TMEM132D: variants seen among roughly 807,000 people sequenced by gnomAD.
TMEM132D encodes the protein transmembrane protein 132D.
In TMEM132D, 21 loss-of-function variants were observed where a neutral mutation model predicts 62.3. The observed-to-expected ratio is 0.34, with a 90% CI of 0.24 to 0.49. TMEM132D has a LOEUF of 0.49. Ranked by LOEUF, TMEM132D falls within the 20% of genes least tolerant of loss-of-function variation. The pLI is 0.99. For missense variants in TMEM132D, 1,346 were observed against 1,402.8 expected (o/e 0.96, Z 0.65); for synonymous variants, 621 against 575.6 (o/e 1.08, Z -1.13).
At chr12:129,246,738 C>G (rs527396393) in intron 4 of TMEM132D, among the ~76,000 whole-genome samples, 1 of 150,056 alleles carries the variant, frequency 6.7e-6, no homozygotes, top group Non-Finnish European at 1.5e-5. Context: ...TGTCCTCCAG[C>G]CTGAGCGACA....
intron 2 of TMEM132D, among the ~76,000 whole-genome samples, chr12:129,566,397 T>C (rs1877369064): frequency 6.6e-6 from 1 of 152,016 alleles, no homozygotes; most frequent in South Asian, 2.1e-4. Context: ...AAGGTCCTTC[T>C]GAAGTTAACC....
In TMEM132D at chr12:129,150,560, G is replaced by A. The variant is rs562308655; in HGVS notation, c.1443+58960C>T. ...CCCATTTCACAGAAGAGGAGACTGA[G>A]GCTTAGCAGGGTGAAGGAAACCTGC... On this transcript the variant is annotated intron_variant, in intron 5 of 8. Coordinates refer to ENST00000422113, the MANE Select transcript of TMEM132D (RefSeq NM_133448.3). 1.1e-3 allele frequency among the ~76,000 whole-genome samples: 173 copies of A among 152,320 alleles called. 1 individual carries two copies. The highest frequency in any genetic ancestry group is 3.9e-3 in the African/African-American group (164 of 41,558).
chr12:129,104,633 A>C (rs1728333049), intron 5 of TMEM132D, among the ~76,000 whole-genome samples: 1 of 151,832 alleles, frequency 6.6e-6, no homozygotes. Flanking sequence ...AAATTTTCAC[A>C]ACCTACTCAT....
Position 129,722,836 on chromosome 12 carries a change from T to G in TMEM132D, c.80-22138A>C, listed in dbSNP as rs148756756. On this transcript the variant is annotated intron_variant, in intron 1 of 8. Transcript: ENST00000422113. Reference sequence around the variant, plus strand: ...TTCACTGCAACCTCTGCTTCTCAGATTCAAGAGATTCTCCTGCCTCAGCCT... The same window carrying G: ...TTCACTGCAACCTCTGCTTCTCAGAGTCAAGAGATTCTCCTGCCTCAGCCT... Among the ~76,000 whole-genome samples the G allele has an allele frequency of 7.6e-3, 1,145 of 151,454 alleles. 7 individuals carry two copies. The highest frequency in any genetic ancestry group is 0.024 in the Middle Eastern group (7 of 294).
chr12:129,280,699 C>G (rs967711555), intron 4 of TMEM132D, among the ~76,000 whole-genome samples: 2 of 152,112 alleles, frequency 1.3e-5, no homozygotes, highest in African/African-American at 4.8e-5. Context: ...ATCTATCTAC[C>G]TACCTATCAT....
intron 3 of TMEM132D, among the ~76,000 whole-genome samples, chr12:129,475,043 A>T (rs1874217564): frequency 6.6e-6 from 1 of 152,204 alleles, no homozygotes; most frequent in East Asian, 1.9e-4. Context: ...CGAAGCTTGA[A>T]CTTTGAAGGG....
At chr12:129,280,063 T>A (rs536525301) in intron 4 of TMEM132D, among the ~76,000 whole-genome samples, 2 of 152,304 alleles carry the variant, frequency 1.3e-5, no homozygotes, top group East Asian at 3.9e-4. Context: ...AGGAGGGTAA[T>A]TGAATCACTC....
At position 129,718,898 on chromosome 12, in the gene TMEM132D, T is replaced by C. The variant is rs187991696; in HGVS notation, c.80-18200A>G. 2.2e-4 allele frequency among the ~76,000 whole-genome samples: 33 copies of C among 152,208 alleles called. No individual in the cohort carries two copies. In the East Asian group the frequency reaches 5.4e-3, roughly 25 times the overall value. Reference sequence around the variant, plus strand: ...GCTCAATACGTTTTAGTTAGTATATTATTAATACTAATATTTTCAGAAATG... The same window carrying C: ...GCTCAATACGTTTTAGTTAGTATATCATTAATACTAATATTTTCAGAAATG... On this transcript the variant is annotated intron_variant, in intron 1 of 8. Coordinates refer to ENST00000422113, the MANE Select transcript of TMEM132D (RefSeq NM_133448.3).
chr12:129,369,582 CCTCT>C (rs1406310152), intron 3 of TMEM132D, among the ~76,000 whole-genome samples: 1 of 152,200 alleles, frequency 6.6e-6, no homozygotes, highest in Non-Finnish European at 1.5e-5. Context: ...AAGCTGGCTG[CCTCT>C]CTGTCTTTTA....
At chr12:129,469,228 T>A (rs974514481) in intron 3 of TMEM132D, among the ~76,000 whole-genome samples, 1 of 152,176 alleles carries the variant, frequency 6.6e-6, no homozygotes, top group Non-Finnish European at 1.5e-5. Context: ...TACTCACTCC[T>A]CGAATCAAGA....
intron 2 of TMEM132D, among the ~76,000 whole-genome samples, chr12:129,596,839 T>C (rs1032107280): frequency 6.6e-5 from 10 of 152,028 alleles, no homozygotes; most frequent in African/African-American, 2.4e-4. Flanking sequence ...AAAGCCCTTC[T>C]AAATATAGGA....
chr12:129,631,703 T>G (rs1035357145), intron 2 of TMEM132D, among the ~76,000 whole-genome samples: 2 of 152,206 alleles, frequency 1.3e-5, no homozygotes, highest in Non-Finnish European at 1.5e-5. Context: ...TGAGTGCCAG[T>G]GATTCTGCAA....
At chr12:129,446,556 T>G (rs1329189672) in intron 3 of TMEM132D, among the ~76,000 whole-genome samples, 1 of 152,198 alleles carries the variant, frequency 6.6e-6, no homozygotes, top group Non-Finnish European at 1.5e-5. Flanking sequence ...TAATTGATAT[T>G]TAATGTCCAT....
At position 129,847,549 on chromosome 12, in the gene TMEM132D, C is replaced by A. The variant is rs1405647824; in HGVS notation, c.79+55712G>T. Among the ~76,000 whole-genome samples the A allele has an allele frequency of 2.6e-5, 4 of 152,270 alleles. No homozygotes were observed. In the East Asian group the frequency reaches 7.7e-4, roughly 29 times the overall value. On this transcript the variant is annotated intron_variant, in intron 1 of 8. Coordinates refer to ENST00000422113, the MANE Select transcript of TMEM132D (RefSeq NM_133448.3). ...TTCACCCTTGGCCATGGCTTAAAATCAGCAGAGGCATCAGCTCAAAAGGCA... is the reference window on the plus strand; with the variant it reads ...TTCACCCTTGGCCATGGCTTAAAATAAGCAGAGGCATCAGCTCAAAAGGCA...
At chr12:129,434,540 G>T (rs1172094593) in intron 3 of TMEM132D, among the ~76,000 whole-genome samples, 1 of 152,122 alleles carries the variant, frequency 6.6e-6, no homozygotes, top group Non-Finnish European at 1.5e-5. Context: ...GCGTGTCTCA[G>T]TACTGACCCA....
At position 129,429,758 on chromosome 12, in the gene TMEM132D, C is replaced by T. The variant is rs569644113; in HGVS notation, c.1116-91941G>A. ...CCTCCCCCGACCCCACAACAGGCCC[C>T]GGTGTGTGATGTTCCCCTCCCTGTG... On this transcript the variant is annotated intron_variant, in intron 3 of 8. Transcript: ENST00000422113. Among the ~76,000 whole-genome samples the T allele has an allele frequency of 3.3e-3, 459 of 137,948 alleles. 2 individuals are homozygous for T. Among genetic ancestry groups the T allele is most frequent in the Middle Eastern group, 0.011 (3 of 276 alleles). The allele number at this position is 137,948 out of a possible 152,430, so 90.5% of individuals were successfully genotyped here. A position where few individuals can be genotyped will look rare whatever the true frequency, so the allele number is the denominator to read the frequency against.
chr12:129,486,353 T>C (rs1300904337), intron 3 of TMEM132D, among the ~76,000 whole-genome samples: 2 of 152,206 alleles, frequency 1.3e-5, no homozygotes, highest in African/African-American at 2.4e-5. Context: ...GTCTTTCTTC[T>C]GGGTGAATCC....
intron 3 of TMEM132D, among the ~76,000 whole-genome samples, chr12:129,411,801 T>C (rs985954079): frequency 2.0e-5 from 3 of 152,246 alleles, no homozygotes; most frequent in Non-Finnish European, 4.4e-5. Context: ...TCATCGGCAG[T>C]CCGTCTTCCA....
intron 3 of TMEM132D, among the ~76,000 whole-genome samples, chr12:129,434,242 T>C (rs1383283885): frequency 6.6e-6 from 1 of 152,196 alleles, no homozygotes; most frequent in African/African-American, 2.4e-5. Flanking sequence ...CCCTAATGAA[T>C]GAGAATGTCA....
Sources: allele counts gnomAD v4.1 joint callset (sites outside exome capture counted in the v4.1 genomes callset), GRCh38; gene constraint gnomAD v4.1.1; transcripts MANE v1.5; gene names NCBI Gene and HGNC (gene_info 2026-07-23, HGNC 2026-07-21).